GAPVD1: variants seen among roughly 807,000 people sequenced by gnomAD.
GAPVD1 encodes the protein GTPase-activating protein and VPS9 domain-containing protein 1.
In GAPVD1, 35 loss-of-function variants were observed where a neutral mutation model predicts 155.5. The observed-to-expected ratio is 0.23, with a 90% confidence interval of 0.17 to 0.30. The LOEUF (loss-of-function observed/expected upper bound fraction) is 0.30. Among genes scored for constraint, GAPVD1 ranks in the 10% least tolerant of loss-of-function variants. The pLI is 1.00. For synonymous variants in GAPVD1, 636 were observed against 619.7 expected (o/e 1.03, Z -0.39); for missense variants, 1,429 against 1,775.7 (o/e 0.80, Z 3.51).
intron 9 of GAPVD1, among the ~76,000 whole-genome samples, chr9:125,318,290 G>GT (rs374296322): frequency 9.8e-5 from 15 of 152,294 alleles, no homozygotes; most frequent in South Asian, 4.1e-4. Flanking sequence ...GCCAGCTAAA[G>GT]TTTTTTTAGC....
chr9:125,271,078 A>G (rs1226455896), intron 2 of GAPVD1, among the ~76,000 whole-genome samples: 1 of 152,238 alleles, frequency 6.6e-6, no homozygotes, highest in Non-Finnish European at 1.5e-5. Context: ...GAAAAGTATA[A>G]AAGTATAATT....
intron 2 of GAPVD1, among the ~76,000 whole-genome samples, chr9:125,282,499 T>G (rs750708223): frequency 2.0e-5 from 3 of 152,204 alleles, no homozygotes; most frequent in Non-Finnish European, 2.9e-5. Context: ...TTCATAATGT[T>G]AGCAGGTAGT....
At chr9:125,328,942 G>A (rs1382964341) in intron 12 of GAPVD1, among the ~76,000 whole-genome samples, 2 of 152,338 alleles carry the variant, frequency 1.3e-5, no homozygotes, top group Admixed American at 1.3e-4. Context: ...AGACCGCCCG[G>A]CCAACACAGT....
chr9:125,327,423 A>G lies in GAPVD1; in HGVS notation c.2032+834A>G, dbSNP rs1335289797. Among the ~76,000 whole-genome samples, 16 of 152,218 alleles carry G rather than the reference A, an allele frequency of 1.1e-4. No homozygotes were observed. In the East Asian group the frequency reaches 3.1e-3, roughly 29 times the overall value. On this transcript the variant is annotated intron_variant, in intron 12 of 27. Coordinates refer to ENST00000297933, the MANE Select transcript of GAPVD1 (RefSeq NM_001282680.3). The stretch of plus-strand genomic sequence containing the variant: ...GTTACATGGGAAATTGTTAGAGCAA[A>G]TTGTATGTTGCTGGGGTTTGGTGTA...
intron 8 of GAPVD1, among the ~76,000 whole-genome samples, chr9:125,309,516 G>A (rs1175138715): frequency 6.6e-6 from 1 of 151,978 alleles, no homozygotes; most frequent in African/African-American, 2.4e-5. Context: ...TATATTTTTG[G>A]TAGAGACAGG....
At chr9:125,352,607 G>A (rs1386602090) in intron 23 of GAPVD1, among the ~76,000 whole-genome samples, 2 of 152,228 alleles carry the variant, frequency 1.3e-5, no homozygotes, top group East Asian at 1.9e-4. Flanking sequence ...AGGCCTCTGG[G>A]CCTGTGATGA....
intron 23 of GAPVD1, among the ~76,000 whole-genome samples, chr9:125,352,096 C>T (rs1849373779): frequency 6.6e-6 from 1 of 152,206 alleles, no homozygotes; most frequent in Non-Finnish European, 1.5e-5. Context: ...GGTATAGCCA[C>T]TTTTCTGGCT....
chr9:125,299,705 T>G (rs1840461092), intron 4 of GAPVD1, among the ~76,000 whole-genome samples: 1 of 150,376 alleles, frequency 6.6e-6, no homozygotes, highest in Non-Finnish European at 1.5e-5. Context: ...TCTGTTCTGC[T>G]TTTCTCCTAA....
At chr9:125,285,321 G>T (rs1837471297) in intron 2 of GAPVD1, among the ~76,000 whole-genome samples, 1 of 152,122 alleles carries the variant, frequency 6.6e-6, no homozygotes, top group Admixed American at 6.6e-5. Flanking sequence ...TAGAAATCCA[G>T]TGTGCTTCAC....
chr9:125,282,050 G>A (rs1836872849), intron 2 of GAPVD1, among the ~76,000 whole-genome samples: 1 of 152,176 alleles, frequency 6.6e-6, no homozygotes. Context: ...GAACGCCAAG[G>A]TGGGCGGATC....
intron 15 of GAPVD1, among the ~76,000 whole-genome samples, chr9:125,336,303 AAAC>A (rs1846964076): frequency 6.6e-6 from 1 of 150,916 alleles, no homozygotes; most frequent in Non-Finnish European, 1.5e-5. Context: ...AAAAAAAAAA[AAAC>A]AAAAAACAAA....
chr9:125,316,820 G>A (rs1250185109), intron 9 of GAPVD1, among the ~76,000 whole-genome samples: 1 of 152,196 alleles, frequency 6.6e-6, no homozygotes, highest in Non-Finnish European at 1.5e-5. Flanking sequence ...TTGCCACACT[G>A]TCTTCCATAA....
chr9:125,363,550 A>C lies in GAPVD1; in HGVS notation c.*804A>C, dbSNP rs531593914. 1 of 152,432 alleles carries C rather than the reference A, an allele frequency of 6.6e-6. No homozygotes were observed. Among genetic ancestry groups the C allele is most frequent in the Admixed American group, 6.5e-5 (1 of 15,294 alleles). 9.4% of individuals were successfully genotyped at this position (152,432 alleles called of 1,614,324 possible). ...CCGTGGAAGTTTGTGAGCCTGCATT[A>C]GGAGATAGACTGATTACCATACATG... On this transcript the variant is annotated 3_prime_UTR_variant, in exon 28 of 28. Coordinates refer to ENST00000297933, the MANE Select transcript of GAPVD1 (RefSeq NM_001282680.3).
At chr9:125,301,920 A>G (rs1211729433) in intron 4 of GAPVD1, 63 bp from the exon 5 acceptor site, 6 of 1,244,840 alleles carry the variant, frequency 4.8e-6, no homozygotes, top group Non-Finnish European at 5.5e-6. Flanking sequence ...TGGATATAGT[A>G]TATGTGTTAT....
At chr9:125,279,181 G>C (rs989129754) in intron 2 of GAPVD1, among the ~76,000 whole-genome samples, 1 of 148,834 alleles carries the variant, frequency 6.7e-6, no homozygotes, top group Non-Finnish European at 1.5e-5. Context: ...CACTGCACTC[G>C]TCTGGGAGAC....
intron 4 of GAPVD1, 78 bp downstream of exon 4, chr9:125,299,184 G>T (rs1177292743): frequency 1.4e-6 from 1 of 731,436 alleles, no homozygotes; most frequent in South Asian, 2.3e-5. Flanking sequence ...ATAAATAAAT[G>T]AATCTGTTTC....
chr9:125,345,280 A>C (rs972705936), intron 19 of GAPVD1, among the ~76,000 whole-genome samples: 3 of 151,466 alleles, frequency 2.0e-5, no homozygotes, highest in African/African-American at 7.3e-5. Flanking sequence ...TCCTGGGTTC[A>C]AGTGATTCTT....
Position 125,346,825 on chromosome 9 carries a change from C to T in GAPVD1, c.3053C>T (p.Pro1018Leu), listed in dbSNP as rs1564448181. 1 of 1,613,706 alleles carries T rather than the reference C, an allele frequency of 6.2e-7. No homozygotes were observed. The highest frequency in any genetic ancestry group is 1.3e-5 in the African/African-American group (1 of 75,008). ...ACTCTCCTTTCCCTTGCAGATGATC[C>T]CAGCCCTAGACTCAGTGCACAAGCT... is the stretch of plus-strand genomic sequence containing the variant. ...PDRFSTLTDD[P>L]SPRLSAQAQV... The change falls in exon 20 of 28, where the codon CCC becomes CTC. Residue 1018 changes from proline (P) to leucine (L), a missense_variant. Coordinates refer to ENST00000297933, the MANE Select transcript of GAPVD1 (RefSeq NM_001282680.3).
At chr9:125,274,671 AG>A (rs1835474103) in intron 2 of GAPVD1, among the ~76,000 whole-genome samples, 2 of 152,106 alleles carry the variant, frequency 1.3e-5, no homozygotes, top group South Asian at 4.1e-4. Flanking sequence ...TGTGTTGGTC[AG>A]GCTGGTCTTG....
Sources: gnomAD v4.1 joint callset for allele counts (sites outside exome capture counted in the v4.1 genomes callset) on GRCh38, gnomAD v4.1.1 for gene constraint, MANE v1.5 for transcripts, NCBI Gene and HGNC (gene_info 2026-07-23, HGNC 2026-07-21) for gene names.